The following NOX4 variants were observed in gnomAD, a reference collection of about 807,000 sequenced individuals.
NOX4 encodes NADPH oxidase 4, also known as kidney oxidase-1.
A neutral mutation model predicts 87.6 loss-of-function variants in NOX4; 69 were observed. That is an observed-to-expected ratio of 0.79 (90% CI 0.65 to 0.96). The LOEUF is 0.96. NOX4 is among the 40% of genes least tolerant of loss of function. The pLI, the probability that NOX4 is intolerant of heterozygous loss-of-function variation, is 0.00. For synonymous variants in NOX4, 275 were observed against 238.2 expected, an observed-to-expected ratio of 1.15 and a Z score of -1.42; for missense variants, 680 against 681.5, an observed-to-expected ratio of 1.00 and a Z score of 0.02.
chr11:89,469,431 T>C (rs79786838), intron 2 of NOX4, among the ~76,000 whole-genome samples: 2,290 of 152,294 alleles, frequency 0.015, 61 homozygotes, highest in African/African-American at 0.051. Context: ...AATATGTAAA[T>C]TTGTGCTCAT....
the NOX4 span, among the ~76,000 whole-genome samples, chr11:89,522,615 C>A: frequency 9.9e-5 from 15 of 152,070 alleles, no homozygotes; most frequent in Non-Finnish European, 2.1e-4. Flanking sequence ...GATAACATAC[C>A]TGCACATATA....
At chr11:89,561,876 A>G in the NOX4 span, among the ~76,000 whole-genome samples, 32 of 152,330 alleles carry the variant, frequency 2.1e-4, no homozygotes, top group African/African-American at 7.0e-4. Context: ...GAAATTGAGC[A>G]GCGGCCTTTG....
chr11:89,408,654 G>C (rs1942314395), intron 8 of NOX4, among the ~76,000 whole-genome samples: 1 of 152,054 alleles, frequency 6.6e-6, no homozygotes, highest in Non-Finnish European at 1.5e-5. Context: ...TAAGAGTACT[G>C]TCATCTGCAG....
chr11:89,457,036 G>A (rs1333426783), intron 2 of NOX4, among the ~76,000 whole-genome samples: 1 of 152,108 alleles, frequency 6.6e-6, no homozygotes, highest in Non-Finnish European at 1.5e-5. Flanking sequence ...CTTCCCAGGG[G>A]TTATCATCAT....
At chr11:89,401,721 T>C (rs774721351) in intron 9 of NOX4, among the ~76,000 whole-genome samples, 4 of 152,182 alleles carry the variant, frequency 2.6e-5, no homozygotes, top group African/African-American at 9.6e-5. Flanking sequence ...CTCTGCCACT[T>C]ACTGGTTTGG....
chr11:89,519,165 G>A, the NOX4 span, among the ~76,000 whole-genome samples: 2 of 152,072 alleles, frequency 1.3e-5, no homozygotes, highest in African/African-American at 4.8e-5. Context: ...TGTGAGAAGT[G>A]CTATGTTTGA....
the NOX4 span, among the ~76,000 whole-genome samples, chr11:89,561,050 C>CATATATAT: frequency 0.049 from 1,387 of 28,506 alleles, 98 homozygotes; most frequent in Admixed American, 0.07. Flanking sequence ...ATATATCATA[C>CATATATAT]ATATATATAT....
chr11:89,461,647 A>AAAATAAATAAATAAATAAATAAAT (rs60340385), intron 2 of NOX4, among the ~76,000 whole-genome samples: 7,341 of 145,576 alleles, frequency 0.05, 245 homozygotes, highest in African/African-American at 0.085. Flanking sequence ...TCCATCTCAA[A>AAAATAAATAAATAAATAAATAAAT]AAATAAATAA....
At position 89,389,055 on chromosome 11, in the gene NOX4, T is replaced by C. The variant is rs950118167; in HGVS notation, c.1074+10962A>G. Among the ~76,000 whole-genome samples, 8 of 152,190 alleles carry C rather than the reference T, an allele frequency of 5.3e-5. 1 individual carries two copies. The highest frequency in any genetic ancestry group is 1.4e-4 in the African/African-American group (6 of 41,464). ...GCATACAGGTCTCCATCCCAAGCTG[T>C]GGTATTCCAAAATCCATGATCTGAT... On this transcript the variant is annotated intron_variant, in intron 11 of 17. Transcript: ENST00000263317.
chr11:89,371,182 A>G (rs1378747832), intron 12 of NOX4, among the ~76,000 whole-genome samples: 1 of 151,950 alleles, frequency 6.6e-6, no homozygotes, highest in Non-Finnish European at 1.5e-5. Context: ...AGGCAGCTAA[A>G]TCTCTTTGAA....
chr11:89,580,675 G>A, the NOX4 span, among the ~76,000 whole-genome samples: 1 of 152,090 alleles, frequency 6.6e-6, no homozygotes, highest in African/African-American at 2.4e-5. Context: ...TTATATTGAA[G>A]CATTCATGGT....
At chr11:89,533,856 T>C in the NOX4 span, 1 of 152,254 alleles carries the variant, frequency 6.6e-6, no homozygotes, top group Non-Finnish European at 1.5e-5. Context: ...AGGTTGTCTC[T>C]GCTCACCACT....
rs1337779261 is a variant in NOX4, at chr11:89,417,498, T to A, written c.629+4404A>T. On this transcript the variant is annotated intron_variant, in intron 8 of 17. Transcript: ENST00000263317. ...AATTCCTCAGGAGGAAGGCTTGTTT[T>A]GCAAAGATAAACCTTTATTGCTAAA... 8.2e-4 allele frequency among the ~76,000 whole-genome samples: 125 copies of A among 152,152 alleles called. 1 individual carries two copies. Among genetic ancestry groups the A allele is most frequent in the Non-Finnish European group, 1.6e-4 (11 of 68,018 alleles).
At chr11:89,380,697 T>C (rs1940216330) in intron 11 of NOX4, among the ~76,000 whole-genome samples, 1 of 152,164 alleles carries the variant, frequency 6.6e-6, no homozygotes, top group Non-Finnish European at 1.5e-5. Flanking sequence ...TTATTTCCCT[T>C]GGAAAAAAGC....
intron 6 of NOX4, among the ~76,000 whole-genome samples, chr11:89,438,363 T>C (rs1323644356): frequency 3.7e-5 from 4 of 109,522 alleles, no homozygotes; most frequent in African/African-American, 1.4e-4. Context: ...CTATATATTA[T>C]ATAATATATA....
the NOX4 span, among the ~76,000 whole-genome samples, chr11:89,547,084 A>G: frequency 6.6e-6 from 1 of 152,156 alleles, no homozygotes; most frequent in South Asian, 2.1e-4. Flanking sequence ...AATGTTCAAC[A>G]TTATTGTCAT....
chr11:89,386,862 C>T (rs1940747407), intron 11 of NOX4, among the ~76,000 whole-genome samples: 2 of 152,114 alleles, frequency 1.3e-5, no homozygotes, highest in South Asian at 4.1e-4. Flanking sequence ...ATTCTTAGTC[C>T]TTTAATACTT....
At chr11:89,514,768 A>AT in the NOX4 span, among the ~76,000 whole-genome samples, 319 of 151,922 alleles carry the variant, frequency 2.1e-3, no homozygotes, top group Middle Eastern at 6.8e-3. Context: ...CATTACATTG[A>AT]TTTTTGTGTG....
chr11:89,393,669 G>T (rs1318855410), intron 11 of NOX4, among the ~76,000 whole-genome samples: 2 of 152,130 alleles, frequency 1.3e-5, no homozygotes, highest in Non-Finnish European at 2.9e-5. Context: ...GACCACTAAT[G>T]ATGTGCCAAG....
Sources: allele counts gnomAD v4.1 joint callset (sites outside exome capture counted in the v4.1 genomes callset), GRCh38; gene constraint gnomAD v4.1.1; transcripts MANE v1.5; gene names NCBI Gene and HGNC (gene_info 2026-07-23, HGNC 2026-07-21).